The following DCHS1 variants were observed in gnomAD, a reference collection of about 807,000 sequenced individuals.
DCHS1 encodes protocadherin-16.
A neutral mutation model predicts 213.9 loss-of-function variants in DCHS1; 78 were observed. That is an observed-to-expected ratio of 0.36 (90% confidence interval 0.30 to 0.44). The LOEUF (loss-of-function observed/expected upper bound fraction) is 0.44. Among genes scored for constraint, DCHS1 ranks in the 20% least tolerant of loss-of-function variants. The pLI, the probability that DCHS1 is intolerant of heterozygous loss-of-function variation, is 1.00. For synonymous variants in DCHS1, 1,828 were observed against 1,873.7 expected, an observed-to-expected ratio of 0.98 and a Z score of 0.63; for missense variants, 3,946 against 4,395.9, an observed-to-expected ratio of 0.90 and a Z score of 2.89.
At chr11:6,651,171 T>C (rs924252503) in intron 1 of DCHS1, among the ~76,000 whole-genome samples, 3 of 152,006 alleles carry the variant, frequency 2.0e-5, no homozygotes, top group African/African-American at 4.8e-5. Flanking sequence ...GAAGAGGCAA[T>C]GACAACAACG....
chr11:6,644,377 A>T (rs557412361), intron 1 of DCHS1, among the ~76,000 whole-genome samples: 1 of 152,028 alleles, frequency 6.6e-6, no homozygotes, highest in African/African-American at 2.4e-5. Flanking sequence ...CATACCTTGC[A>T]CTCCAACATG....
chr11:6,647,483 T>C (rs1253450749), intron 1 of DCHS1, among the ~76,000 whole-genome samples: 1 of 152,180 alleles, frequency 6.6e-6, no homozygotes, highest in Non-Finnish European at 1.5e-5. Flanking sequence ...TGAGGACTGG[T>C]TCCCAGGAAG....
Position 6,631,401 on chromosome 11 carries a change from C to T in DCHS1, c.3682G>A (p.Asp1228Asn). ...AGGGLPIQVP[D>N]RVPPGTLVTT... ...ACCAGTGTTCCCGGAGGCACGCGGT[C>T]TGGTACCTGTGGGAACACAACTCAC... is the stretch of plus-strand genomic sequence containing the variant. The change falls in exon 8 of 21, where the codon GAC becomes AAC. Residue 1228 changes from aspartate to asparagine, a missense_variant. Physicochemically the swap from Asp to Asn is conservative, Grantham distance 23. Around this residue, in one of 3 missense-constraint regions of DCHS1, gnomAD observed 3,384 missense variants for 3,780.1 expected, o/e 0.90. Transcript: ENST00000299441. 6.2e-7 allele frequency: 1 copy of T among 1,613,988 alleles called. No individual in the cohort carries two copies. The highest frequency in any genetic ancestry group is 8.5e-7 in the Non-Finnish European group (1 of 1,179,868).
At chr11:6,642,490 T>C (rs1394898513) in intron 1 of DCHS1, among the ~76,000 whole-genome samples, 1 of 152,058 alleles carries the variant, frequency 6.6e-6, no homozygotes, top group Non-Finnish European at 1.5e-5. Context: ...AGTTGACATC[T>C]AAATAACTAG....
intron 1 of DCHS1, among the ~76,000 whole-genome samples, chr11:6,644,925 C>T (rs1856134449): frequency 2.0e-5 from 3 of 152,180 alleles, no homozygotes; most frequent in Admixed American, 1.3e-4. Context: ...TTTCTGACTC[C>T]CCTACTTACA....
chr11:6,654,451 T>C (rs1589965728), intron 1 of DCHS1, among the ~76,000 whole-genome samples: 1 of 152,234 alleles, frequency 6.6e-6, no homozygotes, highest in African/African-American at 2.4e-5. Flanking sequence ...ACAGTGTTTC[T>C]GGAGAGTGTT....
Position 6,628,124 on chromosome 11 carries a change from T to C in DCHS1, c.5372-457A>G, listed in dbSNP as rs1855840961. 6.6e-6 allele frequency among the ~76,000 whole-genome samples: 1 copy of C among 152,270 alleles called. No homozygotes were observed. Among genetic ancestry groups the C allele is most frequent in the Admixed American group, 6.5e-5 (1 of 15,292 alleles). ...AGTTTGTTCTGGCTATCTTCAATTATACCTGCTTTAATCTCTGAAATTAAC... is the reference window on the plus strand; with the variant it reads ...AGTTTGTTCTGGCTATCTTCAATTACACCTGCTTTAATCTCTGAAATTAAC... On this transcript the variant is annotated intron_variant, in intron 13 of 20. Transcript: ENST00000299441. The surrounding 1 kb of genome is among the most constrained non-coding windows in gnomAD (Gnocchi z 4.3).
chr11:6,622,006 C>CT lies in DCHS1; in HGVS notation c.9669dup (p.Ala3224SerfsTer19). The stretch of plus-strand genomic sequence containing the variant: ...GGTGGGAAGATGGCCCGGGCTGCAG[C>CT]TGTGTTTGCTGGCTTGGGGGGCACA... On this transcript the variant is annotated frameshift_variant, in exon 21 of 21. Transcript: ENST00000299441. LOFTEE classifies it high-confidence loss of function. This position sits in a 1 kb window ranked among gnomAD's most constrained non-coding sequence, Gnocchi z 5.4. 1.2e-6 allele frequency: 2 copies of CT among 1,613,182 alleles called. No individual in the cohort carries two copies. Among genetic ancestry groups the CT allele is most frequent in the Non-Finnish European group, 1.7e-6 (2 of 1,179,770 alleles).
At position 6,621,882 on chromosome 11, in the gene DCHS1, G is replaced by A. The variant is rs768054914; in HGVS notation, c.9794C>T (p.Ser3265Leu). ...SPSLSPLAAR[S>L]PVVSPFGVAQ... ...CACCCCAAATGGTGAGACAACGGGT[G>A]AGCGAGCAGCCAGAGGAGACAGAGA... Residue 3265 changes from serine to leucine, a missense_variant, in exon 21 of 21, where the codon TCA becomes TTA. This residue lies in a region of DCHS1 where 554 missense variants were observed against 590.2 expected (regional missense o/e 0.94). Transcript: ENST00000299441. 3.7e-6 allele frequency: 6 copies of A among 1,612,340 alleles called. No individual in the cohort carries two copies. The highest frequency in any genetic ancestry group is 5.1e-6 in the Non-Finnish European group (6 of 1,179,170).
intron 2 of DCHS1, chr11:6,635,120 T>A (rs1327442861): frequency 6.6e-6 from 1 of 152,158 alleles, no homozygotes; most frequent in Non-Finnish European, 1.5e-5. Flanking sequence ...ACAGTGGAAT[T>A]ATTGAGACTG....
In DCHS1 at chr11:6,630,631, A is replaced by C; in HGVS notation, c.4163T>G (p.Leu1388Trp). The C allele has an allele frequency of 1.3e-6, 2 of 1,539,558 alleles. No individual in the cohort carries two copies. Among genetic ancestry groups the C allele is most frequent in the Non-Finnish European group, 1.7e-6 (2 of 1,147,686 alleles). The change falls in exon 10 of 21, where the codon TTG becomes TGG. Residue 1388 changes from leucine to tryptophan, a missense_variant. This residue lies in a region of DCHS1 where 3,384 missense variants were observed against 3,780.1 expected (regional missense o/e 0.90). Coordinates refer to ENST00000299441, the MANE Select transcript of DCHS1 (RefSeq NM_003737.4). ...GAAGTCCAGGGGCCGCGCCAGGTACAAGCGCCCTGAGGCCGCATCCAGCGC... is the reference window on the plus strand; with the variant it reads ...GAAGTCCAGGGGCCGCGCCAGGTACCAGCGCCCTGAGGCCGCATCCAGCGC... ...TFALDAASGR[L>W]YLARPLDFEA...
chr11:6,630,842 C>G lies in DCHS1; in HGVS notation c.3952G>C (p.Ala1318Pro). ...TCTGCGAGATCTGGGGGCGGCTCGG[C>G]CAAGCGAGCTGAGGGAAGCACCTGT... is the stretch of plus-strand genomic sequence containing the variant. ...LVQVLPSARL[A>P]EPPPDLAERD... The change falls in exon 10 of 21, where the codon GCC becomes CCC. Residue 1318 changes from alanine to proline, a missense_variant. By Grantham distance (27) the Ala-to-Pro change is conservative (BLOSUM62 -1). Around this residue, in one of 3 missense-constraint regions of DCHS1, gnomAD observed 3,384 missense variants for 3,780.1 expected, o/e 0.90. Transcript: ENST00000299441. 3.3e-6 allele frequency: 5 copies of G among 1,526,712 alleles called. No homozygotes were observed. Among genetic ancestry groups the G allele is most frequent in the Non-Finnish European group, 4.4e-6 (5 of 1,132,898 alleles). The allele number at this position is 1,526,712 out of a possible 1,614,324, so 94.6% of individuals were successfully genotyped here.
At chr11:6,646,914 G>T (rs943093731) in intron 1 of DCHS1, among the ~76,000 whole-genome samples, 2 of 152,088 alleles carry the variant, frequency 1.3e-5, no homozygotes, top group African/African-American at 4.8e-5. Flanking sequence ...GAGGTGGGCT[G>T]GGGGGGAGGA....
Position 6,626,246 on chromosome 11 carries a change from T to C in DCHS1, c.6499A>G (p.Asn2167Asp). Residue 2167 changes from asparagine (N) to aspartate (D), a missense_variant, in exon 16 of 21, where the codon AAT becomes GAT. By Grantham distance (23) the Asn-to-Asp change is conservative. This residue lies in a region of DCHS1 where 3,384 missense variants were observed against 3,780.1 expected (regional missense o/e 0.90). Coordinates refer to ENST00000299441, the MANE Select transcript of DCHS1 (RefSeq NM_003737.4). The surrounding 1 kb of genome is among the most constrained non-coding windows in gnomAD (Gnocchi z 5.2). ...LTLTLQDAND[N>D]APRFLRPHYV... is the part of the protein sequence containing the mutation. ...TGGGGCCGCAGGAAACGGGGAGCATTGTCGTTGGCATCTTGCAGGGTCAGG... is the reference window on the plus strand; with the variant it reads ...TGGGGCCGCAGGAAACGGGGAGCATCGTCGTTGGCATCTTGCAGGGTCAGG... The C allele has an allele frequency of 6.2e-7, 1 of 1,612,508 alleles. No homozygotes were observed. Among genetic ancestry groups the C allele is most frequent in the Non-Finnish European group, 8.5e-7 (1 of 1,179,270 alleles).
In DCHS1 at chr11:6,640,213, G is replaced by A; in HGVS notation, c.1401C>T (p.Asp467=). 6.2e-7 allele frequency: 1 copy of A among 1,613,338 alleles called. No homozygotes were observed. The highest frequency in any genetic ancestry group is 8.5e-7 in the Non-Finnish European group (1 of 1,179,626). Residue 467 remains aspartate, a synonymous_variant, in exon 2 of 21, where the codon GAC becomes GAT. Transcript: ENST00000299441. This position sits in a 1 kb window ranked among gnomAD's most constrained non-coding sequence, Gnocchi z 6.5. The stretch of plus-strand genomic sequence containing the variant: ...GCTGGCGGTCAAAGGCAGGTGCATT[G>A]TCGTTGACATCAGTGACGTGCAGCA... ...AFVLHVTDVN[D]NAPAFDRQLY...
At position 6,640,019 on chromosome 11, in the gene DCHS1, G is replaced by A. The variant is rs775257367; in HGVS notation, c.1595C>T (p.Thr532Met). The A allele has an allele frequency of 2.6e-5, 42 of 1,613,798 alleles. No homozygotes were observed. In the East Asian group the frequency reaches 3.1e-4, roughly 12 times the overall value. ...CAACTCATAGTCCAGTGAGGCAGCC[G>A]TAGTGATAATGCCTGAGGTGGGGTC... ...SIDPTSGIIT[T>M]AASLDYELEP... is the part of the protein sequence containing the mutation. Residue 532 changes from threonine (T) to methionine (M), a missense_variant, in exon 2 of 21, where the codon ACG becomes ATG. Coordinates refer to ENST00000299441, the MANE Select transcript of DCHS1 (RefSeq NM_003737.4). The surrounding 1 kb of genome is among the most constrained non-coding windows in gnomAD (Gnocchi z 6.5).
intron 1 of DCHS1, among the ~76,000 whole-genome samples, chr11:6,655,044 A>C (rs1856294783): frequency 1.3e-5 from 2 of 151,240 alleles, no homozygotes; most frequent in Non-Finnish European, 2.9e-5. Flanking sequence ...GCTTCTCTGT[A>C]CTTCTCCCCA....
chr11:6,623,975 C>T lies in DCHS1; in HGVS notation c.7701G>A (p.Gln2567=). The T allele has an allele frequency of 6.2e-7, 1 of 1,610,732 alleles. No homozygotes were observed. The highest frequency in any genetic ancestry group is 8.5e-7 in the Non-Finnish European group (1 of 1,177,456). ...CAGCTGCAGCCACTGTTAGATTGTA[C>T]TGTGTCAGGCTTTCAAAGTCTAGAG... ...LEPLDFESLT[Q]YNLTVAAADR... is the part of the protein sequence containing the mutation. Residue 2567 remains glutamine (Q), a synonymous_variant, in exon 21 of 21, where the codon CAG becomes CAA. Transcript: ENST00000299441.
In DCHS1 at chr11:6,630,789, G is replaced by C. The variant is rs1261390951; in HGVS notation, c.4005C>G (p.Val1335=). 1.9e-6 allele frequency: 3 copies of C among 1,546,634 alleles called. No individual in the cohort carries two copies. The highest frequency in any genetic ancestry group is 2.6e-6 in the Non-Finnish European group (3 of 1,146,070). ...CCTCAGCTGCTGTCACCGTCAGCACGACAGGCACTGGTGCCGCTGGGTCCC... is the reference window on the plus strand; with the variant it reads ...CCTCAGCTGCTGTCACCGTCAGCACCACAGGCACTGGTGCCGCTGGGTCCC... ...AERDPAAPVP[V]VLTVTAAEGL... Residue 1335 remains valine (V), a synonymous_variant, in exon 10 of 21, where the codon GTC becomes GTG. Transcript: ENST00000299441.
Sources: allele counts gnomAD v4.1 joint callset (sites outside exome capture counted in the v4.1 genomes callset), GRCh38; gene constraint gnomAD v4.1.1; regional missense constraint gnomAD v4.1.1; non-coding constraint Gnocchi (gnomAD v3.1); transcripts MANE v1.5; gene names NCBI Gene and HGNC (gene_info 2026-07-23, HGNC 2026-07-21).